FOXP1: variants seen among roughly 807,000 people sequenced by gnomAD.
The protein encoded by FOXP1 is forkhead box P1.
A neutral mutation model predicts 98.2 loss-of-function variants in FOXP1; 15 were observed. The observed-to-expected ratio is 0.15, with a 90% confidence interval of 0.10 to 0.24. The LOEUF is 0.24. Ranked by LOEUF, FOXP1 falls within the 10% of genes least tolerant of loss-of-function variation. FOXP1 has a pLI of 1.00. For synonymous variants in FOXP1, 371 were observed against 314.5 expected, an observed-to-expected ratio of 1.18 and a Z score of -1.90; for missense variants, 633 against 848.5, an observed-to-expected ratio of 0.75 and a Z score of 3.15.
intron 4 of FOXP1, among the ~76,000 whole-genome samples, chr3:71,339,743 C>G (rs936999106): frequency 2.8e-4 from 43 of 152,134 alleles, no homozygotes; most frequent in African/African-American, 9.9e-4. Context: ...GTTGGGAAAC[C>G]CAGCAGGTAG....
At chr3:71,009,402 G>A (rs1215406020) in intron 12 of FOXP1, among the ~76,000 whole-genome samples, 10 of 152,180 alleles carry the variant, frequency 6.6e-5, no homozygotes, top group African/African-American at 1.9e-4. Flanking sequence ...CAATGGCAGA[G>A]CTAAGTCGAG....
chr3:71,289,458 A>G (rs1319196434), intron 5 of FOXP1: 11 of 152,204 alleles, frequency 7.2e-5, no homozygotes, highest in Non-Finnish European at 1.6e-4. Context: ...GACTGAAGCA[A>G]TCCTCCTGCC....
intron 2 of FOXP1, among the ~76,000 whole-genome samples, chr3:71,566,167 G>A (rs563892120): frequency 2.6e-5 from 4 of 152,308 alleles, no homozygotes; most frequent in African/African-American, 9.6e-5. Context: ...CTGAATGTGC[G>A]TCTCACGGGG....
intron 3 of FOXP1, among the ~76,000 whole-genome samples, chr3:71,468,672 C>T (rs1275834841): frequency 6.6e-6 from 1 of 152,204 alleles, no homozygotes; most frequent in African/African-American, 2.4e-5. Context: ...TGGATCACCT[C>T]TACAGCCTTT....
chr3:71,556,661 T>C (rs955581679), intron 2 of FOXP1, among the ~76,000 whole-genome samples: 1 of 144,640 alleles, frequency 6.9e-6, no homozygotes, highest in African/African-American at 2.5e-5. Flanking sequence ...GAAACTGCCA[T>C]AGTCTTTTTT....
intron 18 of FOXP1, chr3:70,972,059 C>T (rs551565369): frequency 6.6e-5 from 99 of 1,507,804 alleles, no homozygotes; most frequent in South Asian, 7.7e-5. Flanking sequence ...TTTGCGAGGA[C>T]GGCCTCGTTG....
At chr3:70,987,122 G>GCAGT (rs1421333317) in intron 14 of FOXP1, among the ~76,000 whole-genome samples, 2 of 152,180 alleles carry the variant, frequency 1.3e-5, no homozygotes, top group Non-Finnish European at 2.9e-5. Flanking sequence ...TCAAATAAAG[G>GCAGT]CAGTGTACCT....
chr3:71,571,574 G>A (rs1018044644), intron 2 of FOXP1: 10 of 152,122 alleles, frequency 6.6e-5, no homozygotes, highest in Admixed American at 6.5e-4. Context: ...ATCTTCCCTG[G>A]CTGGTCAAGG....
At chr3:71,085,735 C>CTTTTTTTTTTTTTTTTGT (rs56318177) in intron 7 of FOXP1, among the ~76,000 whole-genome samples, 1 of 37,038 alleles carries the variant, frequency 2.7e-5, no homozygotes. Flanking sequence ...CATTTATGGC[C>CTTTTTTTTTTTTTTTTGT]TTTTTTTTTT....
chr3:71,036,169 G>A (rs571254867), intron 11 of FOXP1, among the ~76,000 whole-genome samples: 5 of 152,256 alleles, frequency 3.3e-5, no homozygotes, highest in South Asian at 2.1e-4. Context: ...CTAGCCAGGC[G>A]GAAACCTTCA....
chr3:70,993,812 T>C (rs2040961975), intron 13 of FOXP1, among the ~76,000 whole-genome samples: 6 of 151,836 alleles, frequency 4.0e-5, no homozygotes, highest in African/African-American at 1.5e-4. Context: ...CTGGCCAACA[T>C]GATGAAACCT....
intron 5 of FOXP1, among the ~76,000 whole-genome samples, chr3:71,279,472 A>G (rs1040533692): frequency 7.2e-5 from 11 of 152,142 alleles, no homozygotes; most frequent in African/African-American, 2.7e-4. Flanking sequence ...TAGCAGGTAC[A>G]GACCAGGGAC....
intron 2 of FOXP1, among the ~76,000 whole-genome samples, chr3:71,501,671 G>C (rs1366984535): frequency 6.6e-6 from 1 of 152,172 alleles, no homozygotes; most frequent in Admixed American, 6.5e-5. Flanking sequence ...AAAATAGAAA[G>C]AATGAATAAG....
At chr3:71,257,746 T>C (rs2068757346) in intron 5 of FOXP1, among the ~76,000 whole-genome samples, 1 of 152,172 alleles carries the variant, frequency 6.6e-6, no homozygotes, top group African/African-American at 2.4e-5. Flanking sequence ...CAAATCATTA[T>C]AATGTATTTC....
intron 5 of FOXP1, among the ~76,000 whole-genome samples, chr3:71,280,423 C>T (rs1340518420): frequency 5.3e-5 from 8 of 151,432 alleles, no homozygotes; most frequent in South Asian, 4.2e-4. Flanking sequence ...CTGGTTCAAG[C>T]GATTCTCCTG....
chr3:71,361,335 T>G lies in FOXP1; in HGVS notation c.-167-2091A>C, dbSNP rs144132378. On this transcript the variant is annotated intron_variant, in intron 3 of 20. Coordinates refer to ENST00000649528, the MANE Select transcript of FOXP1 (RefSeq NM_001349338.3). The stretch of plus-strand genomic sequence containing the variant: ...TTTAGATTCTACATTTCCAAACATT[T>G]GTTCTGACACCCCATGAGTTTGGAC... Among the ~76,000 whole-genome samples, 1,057 of 152,244 alleles carry G rather than the reference T, an allele frequency of 6.9e-3. 29 individuals are homozygous for G. The highest frequency in any genetic ancestry group is 4.1e-3 in the Non-Finnish European group (282 of 68,022).
intron 2 of FOXP1, among the ~76,000 whole-genome samples, chr3:71,530,963 A>G (rs1290239284): frequency 6.6e-6 from 1 of 152,186 alleles, no homozygotes; most frequent in East Asian, 1.9e-4. Context: ...GGCCCCCACC[A>G]TGGAAATGGA....
At chr3:71,066,311 AG>A (rs1174568294) in intron 7 of FOXP1, among the ~76,000 whole-genome samples, 1 of 152,242 alleles carries the variant, frequency 6.6e-6, no homozygotes, top group East Asian at 1.9e-4. Context: ...ACAAGCGCGA[AG>A]TGACCATCAA....
At chr3:71,332,463 C>G (rs2076392677) in intron 4 of FOXP1, 1 of 176,402 alleles carries the variant, frequency 5.7e-6, no homozygotes, top group African/African-American at 2.4e-5. Flanking sequence ...AGACCAAGAA[C>G]CCACCAATTC....
Sources: allele counts gnomAD v4.1 joint callset (sites outside exome capture counted in the v4.1 genomes callset), GRCh38; gene constraint gnomAD v4.1.1; transcripts MANE v1.5; gene names NCBI Gene and HGNC (gene_info 2026-07-23, HGNC 2026-07-21).